The following USP15 variants were observed in gnomAD, a reference collection of about 807,000 sequenced individuals.
USP15 encodes the protein ubiquitin carboxyl-terminal hydrolase 15.
Under a neutral mutation model 127.1 loss-of-function variants are expected in USP15, and 18 were observed. That is an observed-to-expected ratio of 0.14 (90% CI 0.10 to 0.21). The LOEUF (loss-of-function observed/expected upper bound fraction) is 0.21, where lower values mean the gene tolerates loss of function less well. USP15 is among the 10% of genes least tolerant of loss of function. The pLI, the probability that USP15 is intolerant of heterozygous loss-of-function variation, is 1.00. For missense variants in USP15, 805 were observed against 1,159.9 expected, an observed-to-expected ratio of 0.69 and a Z score of 4.44; for synonymous variants, 364 against 393.7, an observed-to-expected ratio of 0.92 and a Z score of 0.89.
At chr12:62,320,285 G>A (rs969692319) in intron 4 of USP15, among the ~76,000 whole-genome samples, 1 of 152,004 alleles carries the variant, frequency 6.6e-6, no homozygotes, top group African/African-American at 2.4e-5. Context: ...ACGGTTGTTT[G>A]TGTGTAGCAC....
intron 6 of USP15, among the ~76,000 whole-genome samples, chr12:62,338,060 T>G (rs893341985): frequency 3.9e-5 from 6 of 152,196 alleles, no homozygotes; most frequent in African/African-American, 1.4e-4. Context: ...CGCCACACTG[T>G]CTTCCACAAT....
At chr12:62,276,951 A>G (rs939061780) in intron 1 of USP15, among the ~76,000 whole-genome samples, 2 of 152,060 alleles carry the variant, frequency 1.3e-5, no homozygotes, top group Non-Finnish European at 2.9e-5. Flanking sequence ...TAGTTTTCTT[A>G]TTTTTATGCA....
chr12:62,337,125 A>C (rs1405660293), intron 6 of USP15, among the ~76,000 whole-genome samples: 1 of 152,212 alleles, frequency 6.6e-6, no homozygotes, highest in Non-Finnish European at 1.5e-5. Flanking sequence ...GAAGCTGTCA[A>C]CTTTGTGGTG....
At chr12:62,347,940 AC>A (rs2065867370) in intron 6 of USP15, among the ~76,000 whole-genome samples, 1 of 152,178 alleles carries the variant, frequency 6.6e-6, no homozygotes, top group South Asian at 2.1e-4. Flanking sequence ...CTGTAATCAC[AC>A]CTGTAGTCCC....
rs546162196 is a variant in USP15, at chr12:62,341,850, A to G, written c.684-7371A>G. On this transcript the variant is annotated intron_variant, in intron 6 of 21. Coordinates refer to ENST00000280377, the MANE Select transcript of USP15 (RefSeq NM_001252078.2). The stretch of plus-strand genomic sequence containing the variant: ...TTCAACCTTGGAGAATCTGACGATT[A>G]TGTGTCTTGGGGTTGATCTTCTCAT... Among the ~76,000 whole-genome samples, 2 of 152,016 alleles carry G rather than the reference A, an allele frequency of 1.3e-5. 1 individual carries two copies. Among genetic ancestry groups the G allele is most frequent in the South Asian group, 4.1e-4 (2 of 4,826 alleles).
At chr12:62,342,346 G>A (rs1592628859) in intron 6 of USP15, among the ~76,000 whole-genome samples, 1 of 152,086 alleles carries the variant, frequency 6.6e-6, no homozygotes. Context: ...TCCTTGCATT[G>A]GGTTAGAACA....
intron 7 of USP15, among the ~76,000 whole-genome samples, chr12:62,350,933 T>C (rs774876747): frequency 6.6e-6 from 1 of 152,054 alleles, no homozygotes; most frequent in African/African-American, 2.4e-5. Context: ...CTGGGATAAA[T>C]ATTTTACATT....
intron 6 of USP15, chr12:62,335,070 GC>G: frequency 1.6e-6 from 2 of 1,213,546 alleles, no homozygotes; most frequent in Admixed American, 2.1e-5. Context: ...GTTACACCTA[GC>G]CCAAACTGGC....
chr12:62,260,440 T>C lies in USP15; in HGVS notation c.26T>C (p.Leu9Pro). The stretch of plus-strand genomic sequence containing the variant: ...ATGGCGGAAGGCGGAGCGGCGGATC[T>C]GGACACCCAGCGGTCTGACATCGCG... Reference protein sequence around the residue: MAEGGAADLDTQRSDIATL... With the variant: MAEGGAADPDTQRSDIATL... The change falls in exon 1 of 22, where the codon CTG becomes CCG. Residue 9 changes from leucine (L) to proline (P), a missense_variant. Coordinates refer to ENST00000280377, the MANE Select transcript of USP15 (RefSeq NM_001252078.2). 6.4e-7 allele frequency: 1 copy of C among 1,551,874 alleles called. No homozygotes were observed. Among genetic ancestry groups the C allele is most frequent in the Non-Finnish European group, 8.7e-7 (1 of 1,147,746 alleles).
chr12:62,396,904 C>T (rs1018406719), intron 20 of USP15, among the ~76,000 whole-genome samples: 20 of 152,228 alleles, frequency 1.3e-4, no homozygotes, highest in African/African-American at 3.6e-4. Flanking sequence ...CACTTCCTAC[C>T]ACTGTAAGAC....
At chr12:62,300,317 G>A (rs1031969415) in intron 2 of USP15, among the ~76,000 whole-genome samples, 1 of 152,058 alleles carries the variant, frequency 6.6e-6, no homozygotes. Context: ...CTTTAAGTTA[G>A]TTTTGTATAT....
rs185496778 is a variant in USP15 at position 62,316,828 on chromosome 12, A to G, written c.475+1912A>G. ...GATAAGAACTGTGTAAGAATTTGTC[A>G]CGAAGATATGTAATTTATAAAGGAT... On this transcript the variant is annotated intron_variant, in intron 4 of 21. Coordinates refer to ENST00000280377, the MANE Select transcript of USP15 (RefSeq NM_001252078.2). 1.9e-3 allele frequency among the ~76,000 whole-genome samples: 292 copies of G among 152,280 alleles called. 3 individuals are homozygous for G. The highest frequency in any genetic ancestry group is 6.7e-3 in the African/African-American group (280 of 41,568).
rs571197591 is a variant in USP15 at position 62,399,866 on chromosome 12, C to T, written c.2675-1321C>T. 2.2e-3 allele frequency among the ~76,000 whole-genome samples: 342 copies of T among 152,160 alleles called. 4 individuals carry two copies. Among genetic ancestry groups the T allele is most frequent in the African/African-American group, 7.5e-3 (311 of 41,526 alleles). On this transcript the variant is annotated intron_variant, in intron 20 of 21. Coordinates refer to ENST00000280377, the MANE Select transcript of USP15 (RefSeq NM_001252078.2). ...CTTGTCTTTTGAATTATCTTCTGAC[C>T]GCCAGTGGAGTTTCACCAAAGATAA...
At chr12:62,385,399 G>T (rs1157400015) in intron 11 of USP15, among the ~76,000 whole-genome samples, 2 of 151,892 alleles carry the variant, frequency 1.3e-5, no homozygotes, top group Non-Finnish European at 2.9e-5. Flanking sequence ...ATGTATTTGG[G>T]TTTATTGTCA....
chr12:62,321,479 A>G lies in USP15; in HGVS notation c.491A>G (p.Glu164Gly). The change falls in exon 5 of 22, where the codon GAA becomes GGA. Residue 164 changes from glutamate to glycine, a missense_variant. Physicochemically the swap from Glu to Gly is moderately conservative, Grantham distance 98 (BLOSUM62 -2). Coordinates refer to ENST00000280377, the MANE Select transcript of USP15 (RefSeq NM_001252078.2). ...KADTIDTIEK[E>G]IRKIFSIPDE... ...TTAAATCTAGATACAATTGAAAAGG[A>G]AATAAGAAAAATCTTCAGTATTCCA... The G allele has an allele frequency of 6.3e-7, 1 of 1,583,128 alleles. No homozygotes were observed. The highest frequency in any genetic ancestry group is 1.4e-5 in the African/African-American group (1 of 73,656).
At chr12:62,305,052 A>T (rs1467827727) in intron 3 of USP15, among the ~76,000 whole-genome samples, 1 of 152,154 alleles carries the variant, frequency 6.6e-6, no homozygotes, top group African/African-American at 2.4e-5. Flanking sequence ...AAATACAGAA[A>T]AAAGCTAAGG....
intron 3 of USP15, among the ~76,000 whole-genome samples, chr12:62,313,488 A>G (rs572222390): frequency 6.7e-4 from 101 of 151,692 alleles, no homozygotes; most frequent in Non-Finnish European, 1.2e-3. Context: ...AGCTACTTTA[A>G]TGTAGTTTAT....
rs1199697011 is a variant in USP15, at chr12:62,414,081, G to C, written c.*9706G>C. The C allele has an allele frequency of 5.9e-5, 9 of 152,180 alleles. No individual in the cohort carries two copies. The allele number at this position is 152,180 out of a possible 1,614,324, so 9.4% of individuals were successfully genotyped here. A position where few individuals can be genotyped will look rare whatever the true frequency, so the allele number is the denominator to read the frequency against. On this transcript the variant is annotated 3_prime_UTR_variant, in exon 22 of 22. Transcript: ENST00000280377. The stretch of plus-strand genomic sequence containing the variant: ...TGGAGCAGTTGGAACACACACGTCT[G>C]TGCCCTCAAACAAAACAGTAACATC...
chr12:62,375,715 T>G (rs1276771807), intron 8 of USP15, among the ~76,000 whole-genome samples: 1 of 152,140 alleles, frequency 6.6e-6, no homozygotes, highest in African/African-American at 2.4e-5. Flanking sequence ...TCTCAATACA[T>G]TAAACTAAGG....
Sources: allele counts gnomAD v4.1 joint callset (sites outside exome capture counted in the v4.1 genomes callset), GRCh38; gene constraint gnomAD v4.1.1; transcripts MANE v1.5; gene names NCBI Gene and HGNC (gene_info 2026-07-23, HGNC 2026-07-21).